Variants in EVL observed in about 807,000 individuals in gnomAD.
EVL encodes the protein ena/VASP-like protein.
In EVL, 21 loss-of-function variants were observed where a neutral mutation model predicts 59.6. That is an observed-to-expected ratio of 0.35 (90% confidence interval 0.25 to 0.51). EVL has a LOEUF of 0.51. Ranked by LOEUF, EVL falls within the 20% of genes least tolerant of loss-of-function variation. EVL has a pLI of 0.97. For missense variants in EVL, 462 were observed against 546.6 expected (o/e 0.85, Z 1.54); for synonymous variants, 198 against 203.5 (o/e 0.97, Z 0.23).
At chr14:100,086,465 T>G (rs933452619) in intron 2 of EVL, among the ~76,000 whole-genome samples, 1 of 152,256 alleles carries the variant, frequency 6.6e-6, no homozygotes. Context: ...AGGTGTTCCA[T>G]AAGTGATTGC....
chr14:99,975,661 A>G lies in EVL; in HGVS notation c.5+3604A>G, dbSNP rs150989942. ...ATCCCTTGCGTGCACAGTTCACAAT[A>G]GGGTTCACGCTTCTATGAGAATCTA... On this transcript the variant is annotated intron_variant, in intron 1 of 13. Coordinates refer to the EVL transcript ENST00000402714. Among the ~76,000 whole-genome samples, 65 of 152,274 alleles carry G rather than the reference A, an allele frequency of 4.3e-4. No individual in the cohort carries two copies. The East Asian group carries it at 0.012, about 29-fold the overall frequency.
intron 1 of EVL, among the ~76,000 whole-genome samples, chr14:100,077,885 G>T (rs1412350768): frequency 6.6e-6 from 1 of 152,154 alleles, no homozygotes; most frequent in Non-Finnish European, 1.5e-5. Context: ...CCATTCTCCT[G>T]CCTCAGCCTC....
At chr14:100,057,359 G>T (rs1355702296) in intron 1 of EVL, among the ~76,000 whole-genome samples, 1 of 152,170 alleles carries the variant, frequency 6.6e-6, no homozygotes, top group African/African-American at 2.4e-5. Flanking sequence ...CCATATTACA[G>T]TCCCCCTAAG....
chr14:100,064,698 G>A (rs573397873), upstream of EVL, among the ~76,000 whole-genome samples: 1 of 152,312 alleles, frequency 6.6e-6, no homozygotes, highest in Non-Finnish European at 1.5e-5. Context: ...ATCACCTGAG[G>A]TCGGGAGTTC....
intron 1 of EVL, among the ~76,000 whole-genome samples, chr14:99,998,312 C>A (rs2060926270): frequency 6.6e-6 from 1 of 152,120 alleles, no homozygotes; most frequent in African/African-American, 2.4e-5. Context: ...CCCCTGCACT[C>A]CGCACAACAA....
At chr14:100,115,337 C>T (rs1440056364) in intron 3 of EVL, among the ~76,000 whole-genome samples, 2 of 152,190 alleles carry the variant, frequency 1.3e-5, no homozygotes, top group African/African-American at 4.8e-5. Context: ...CCTGCCCTTT[C>T]CCTGGGCCTC....
At chr14:100,099,727 C>CTT (rs760607520) in intron 3 of EVL, among the ~76,000 whole-genome samples, 77 of 138,190 alleles carry the variant, frequency 5.6e-4, no homozygotes, top group African/African-American at 2.0e-3. Context: ...GGGAGTTAAG[C>CTT]TTTTTTTTTT....
intron 1 of EVL, among the ~76,000 whole-genome samples, chr14:100,074,060 CA>C (rs1298581442): frequency 1.3e-5 from 2 of 152,086 alleles, no homozygotes; most frequent in Non-Finnish European, 2.9e-5. Flanking sequence ...GAGGAAAGCA[CA>C]GGAGCAAATC....
chr14:100,084,988 G>C (rs2062407046), intron 2 of EVL, 133 bp downstream of exon 2: 2 of 913,702 alleles, frequency 2.2e-6, no homozygotes, highest in African/African-American at 3.3e-5. Context: ...CCTGGGCTCA[G>C]ATTTTGACTC....
In EVL at chr14:100,014,833, G is replaced by A. The variant is rs143617495; in HGVS notation, c.5+42776G>A. ...TGAAACCAGGGAGAAATGGGCCTCT[G>A]AAGACACTGTTGAATTCCTCTTATT... On this transcript the variant is annotated intron_variant, in intron 1 of 13. Coordinates refer to the EVL transcript ENST00000402714. 3.2e-4 allele frequency among the ~76,000 whole-genome samples: 48 copies of A among 152,288 alleles called. No homozygotes were observed. In the East Asian group the frequency reaches 6.6e-3, roughly 21 times the overall value.
At chr14:100,093,592 C>T (rs1242223620) in intron 2 of EVL, among the ~76,000 whole-genome samples, 1 of 152,146 alleles carries the variant, frequency 6.6e-6, no homozygotes, top group Non-Finnish European at 1.5e-5. Flanking sequence ...CAGGGGCCTT[C>T]AATCAGCGAC....
In EVL at chr14:100,126,687, C is replaced by T. The variant is rs1280534196; in HGVS notation, c.423-20C>T. Reference sequence around the variant, plus strand: ...TCCAGAGTGGAGGAGTCAGACTGCCCTGCTGTGATTACTTTCCAGACAAGT... The same window carrying T: ...TCCAGAGTGGAGGAGTCAGACTGCCTTGCTGTGATTACTTTCCAGACAAGT... On this transcript the variant is annotated intron_variant, in intron 4 of 13. Transcript: ENST00000392920. 2 of 1,613,984 alleles carry T rather than the reference C, an allele frequency of 1.2e-6. No individual in the cohort carries two copies. The highest frequency in any genetic ancestry group is 4.5e-5 in the East Asian group (2 of 44,882).
Position 99,972,011 on chromosome 14 carries a change from C to CGCT in EVL, c.-41_-40insCTG, listed in dbSNP as rs1400583667. ...GCCCCGCCGCCGCCGCCGCCGCCGC[C>CGCT]GGGTCGCCCCTGGCCCGGCGCGCCC... On this transcript the variant is annotated 5_prime_UTR_variant, in exon 1 of 14. Coordinates refer to the EVL transcript ENST00000402714. The surrounding 1 kb of genome is among the most constrained non-coding windows in gnomAD (Gnocchi z 4.4). The CGCT allele has an allele frequency of 5.6e-6, 1 of 177,898 alleles. No individual in the cohort carries two copies. Among genetic ancestry groups the CGCT allele is most frequent in the African/African-American group, 2.4e-5 (1 of 41,492 alleles). The allele number at this position is 177,898 out of a possible 1,614,324, so 11.0% of individuals were successfully genotyped here. A position where few individuals can be genotyped will look rare whatever the true frequency, so the allele number is the denominator to read the frequency against.
chr14:100,041,179 G>A (rs1462763151), intron 1 of EVL, among the ~76,000 whole-genome samples: 4 of 152,132 alleles, frequency 2.6e-5, no homozygotes, highest in Non-Finnish European at 5.9e-5. Flanking sequence ...ACCTAGGAAG[G>A]CAGTCAGTTT....
rs760416595 is a variant in EVL, at chr14:100,065,480, C to G, written c.-21C>G. On this transcript the variant is annotated 5_prime_UTR_variant, in exon 1 of 14. Transcript: ENST00000392920. ...ACAGGACTCGCCTCCTCAGGGTTCC[C>G]TGTGCTGCCACTTTTCAGCCATGGC... 6.6e-7 allele frequency: 1 copy of G among 1,509,524 alleles called. No individual in the cohort carries two copies. The allele number at this position is 1,509,524 out of a possible 1,614,324, so 93.5% of individuals were successfully genotyped here. A position where few individuals can be genotyped will look rare whatever the true frequency, so the allele number is the denominator to read the frequency against.
At chr14:100,100,304 A>C (rs1413543371) in intron 3 of EVL, among the ~76,000 whole-genome samples, 3 of 152,104 alleles carry the variant, frequency 2.0e-5, no homozygotes, top group African/African-American at 7.2e-5. Context: ...TGAAGCTTTC[A>C]TGAGGAGGAA....
chr14:100,096,691 T>A (rs1016870599), intron 2 of EVL, among the ~76,000 whole-genome samples: 1 of 152,212 alleles, frequency 6.6e-6, no homozygotes, highest in Admixed American at 6.5e-5. Flanking sequence ...CTTAAAGTAC[T>A]TTGAAATAAT....
At chr14:100,143,485 C>T (rs1889324212) in intron 13 of EVL, among the ~76,000 whole-genome samples, 2 of 152,184 alleles carry the variant, frequency 1.3e-5, no homozygotes, top group African/African-American at 2.4e-5. Context: ...CCTAAAAGGG[C>T]AGTGGCAGCA....
intron 1 of EVL, among the ~76,000 whole-genome samples, chr14:100,012,335 G>A (rs1433598013): frequency 1.3e-5 from 2 of 152,126 alleles, no homozygotes; most frequent in South Asian, 2.1e-4. Flanking sequence ...CTCCCGCCTC[G>A]GGTGTAACAG....
Sources: allele counts gnomAD v4.1 joint callset (sites outside exome capture counted in the v4.1 genomes callset), GRCh38; gene constraint gnomAD v4.1.1; non-coding constraint Gnocchi (gnomAD v3.1); transcripts MANE v1.5; gene names NCBI Gene and HGNC (gene_info 2026-07-23, HGNC 2026-07-21).